Variants in COBL observed in about 807,000 individuals in gnomAD.
COBL encodes the protein protein cordon-bleu.
In COBL, 51 loss-of-function variants were observed where a neutral mutation model predicts 98.8. The observed-to-expected ratio is 0.52, with a 90% CI of 0.41 to 0.65. The LOEUF is 0.65. Ranked by LOEUF, COBL falls within the 30% of genes least tolerant of loss-of-function variation. The probability of loss-of-function intolerance (pLI) is 0.00; values close to 1 mark genes in which losing one functional copy is unlikely to be tolerated. For synonymous variants in COBL, 634 were observed against 651.7 expected, an observed-to-expected ratio of 0.97 and a Z score of 0.41; for missense variants, 1,617 against 1,617.5, an observed-to-expected ratio of 1.00 and a Z score of 0.01.
intron 2 of COBL, 130 bp downstream of exon 2, chr7:51,219,611 A>T: frequency 1.0e-6 from 1 of 963,786 alleles, no homozygotes; most frequent in Non-Finnish European, 1.6e-6. Context: ...AGCCCGATTT[A>T]TATCCATGAG....
chr7:51,207,926 G>A (rs1791931367), intron 2 of COBL, among the ~76,000 whole-genome samples: 2 of 147,902 alleles, frequency 1.4e-5, no homozygotes, highest in South Asian at 4.4e-4. Context: ...CTGCCTGGCT[G>A]CCCAGTCTGG....
intron 7 of COBL, among the ~76,000 whole-genome samples, chr7:51,060,622 G>A (rs1417744287): frequency 6.6e-6 from 1 of 152,162 alleles, no homozygotes; most frequent in Non-Finnish European, 1.5e-5. Flanking sequence ...CTCCCATAGG[G>A]TCCAGGAATC....
At chr7:51,121,443 T>C (rs1190288255) in intron 6 of COBL, among the ~76,000 whole-genome samples, 1 of 152,244 alleles carries the variant, frequency 6.6e-6, no homozygotes, top group Non-Finnish European at 1.5e-5. Flanking sequence ...TGCAAATATC[T>C]TCTCCCATTC....
intron 6 of COBL, among the ~76,000 whole-genome samples, chr7:51,127,009 T>A (rs1265397380): frequency 1.3e-5 from 2 of 152,148 alleles, no homozygotes; most frequent in Non-Finnish European, 2.9e-5. Flanking sequence ...TGCTTATGAC[T>A]GGGGACACCA....
chr7:51,224,568 G>GAA (rs916762747), intron 1 of COBL, among the ~76,000 whole-genome samples: 1 of 145,048 alleles, frequency 6.9e-6, no homozygotes, highest in Non-Finnish European at 1.5e-5. Context: ...AGAGAAAAAG[G>GAA]AAAAAAAAAA....
chr7:51,186,446 C>A (rs1428524876), intron 4 of COBL, among the ~76,000 whole-genome samples: 2 of 152,194 alleles, frequency 1.3e-5, no homozygotes, highest in East Asian at 3.9e-4. Context: ...TTTCCTAGTA[C>A]ACAAGCTGTA....
chr7:51,119,655 T>C (rs538698946), intron 6 of COBL, among the ~76,000 whole-genome samples: 6 of 152,366 alleles, frequency 3.9e-5, no homozygotes, highest in African/African-American at 1.4e-4. Context: ...ATAGTAAGCC[T>C]GTGTGGTCCT....
At chr7:51,019,515 A>C (rs1357611313) in intron 12 of COBL, among the ~76,000 whole-genome samples, 1 of 152,194 alleles carries the variant, frequency 6.6e-6, no homozygotes, top group East Asian at 1.9e-4. Flanking sequence ...AAAGGAACAA[A>C]GGGATGAGTC....
At chr7:51,263,822 A>T (rs1292964864) in intron 1 of COBL, among the ~76,000 whole-genome samples, 1 of 152,194 alleles carries the variant, frequency 6.6e-6, no homozygotes, top group Admixed American at 6.5e-5. Context: ...GGCAACTACT[A>T]AATATTTTGA....
chr7:51,038,803 T>G (rs1373398283), intron 8 of COBL, among the ~76,000 whole-genome samples: 3 of 152,200 alleles, frequency 2.0e-5, no homozygotes, highest in Non-Finnish European at 2.9e-5. Flanking sequence ...ACTCTCAGCC[T>G]AGAGGCCTGG....
chr7:51,227,519 T>C (rs1794321848), intron 1 of COBL, among the ~76,000 whole-genome samples: 1 of 152,196 alleles, frequency 6.6e-6, no homozygotes. Flanking sequence ...TCCAGCCTGC[T>C]TGCCACCAGC....
rs150669838 is a variant in COBL at position 51,219,290 on chromosome 7, T to C, written c.245+451A>G. 3.3e-3 allele frequency among the ~76,000 whole-genome samples: 507 copies of C among 152,280 alleles called. 3 individuals are homozygous for C. The highest frequency in any genetic ancestry group is 0.011 in the African/African-American group (474 of 41,556). ...CCTGAAATATTTTCACTTTAGAAAG[T>C]TGATTGCCAGTTGTACACACACCTC... On this transcript the variant is annotated intron_variant, in intron 2 of 12. Transcript: ENST00000265136.
intron 1 of COBL, among the ~76,000 whole-genome samples, chr7:51,285,412 T>C (rs1296990133): frequency 2.0e-5 from 3 of 147,996 alleles, no homozygotes; most frequent in South Asian, 2.2e-4. Context: ...CCTCACAGAA[T>C]TGATAGAGTT....
chr7:51,208,550 T>G (rs1345045824), intron 2 of COBL, among the ~76,000 whole-genome samples: 1 of 152,198 alleles, frequency 6.6e-6, no homozygotes, highest in Non-Finnish European at 1.5e-5. Flanking sequence ...CACCACCCCA[T>G]CTGGGAGGCG....
intron 6 of COBL, among the ~76,000 whole-genome samples, chr7:51,107,467 T>C (rs1796417036): frequency 6.6e-6 from 1 of 152,228 alleles, no homozygotes; most frequent in Admixed American, 6.5e-5. Context: ...GTAAATATTA[T>C]ACAACTACAT....
intron 1 of COBL, among the ~76,000 whole-genome samples, chr7:51,242,594 C>T (rs1291519170): frequency 6.6e-6 from 1 of 152,132 alleles, no homozygotes; most frequent in African/African-American, 2.4e-5. Context: ...TACGCCAATT[C>T]CTCACCCATA....
Position 51,028,565 on chromosome 7 carries a change from A to C in COBL, c.2531T>G (p.Val844Gly). The C allele has an allele frequency of 6.2e-7, 1 of 1,614,200 alleles. No individual in the cohort carries two copies. The highest frequency in any genetic ancestry group is 8.5e-7 in the Non-Finnish European group (1 of 1,180,036). The change falls in exon 10 of 13, where the codon GTG (valine) becomes GGG (glycine). Residue 844 changes from valine to glycine, a missense_variant. By Grantham distance (109) the Val-to-Gly change is moderately radical. This residue lies in a region of COBL where 1,304 missense variants were observed against 1,282.0 expected (regional missense o/e 1.02). Coordinates refer to ENST00000265136, the MANE Select transcript of COBL (RefSeq NM_015198.5). The part of the protein sequence containing the change: ...NQPPTMGMGH[V>G]RVPAAHTTEV... ...TGTGGTGTGAGCTGCTGGCACCCTCACGTGACCCATGCCCATGGTGGGGGG... is the reference window on the plus strand; with the variant it reads ...TGTGGTGTGAGCTGCTGGCACCCTCCCGTGACCCATGCCCATGGTGGGGGG...
chr7:51,088,714 A>G (rs11768741), intron 6 of COBL, among the ~76,000 whole-genome samples: 25 of 152,190 alleles, frequency 1.6e-4, no homozygotes, highest in Non-Finnish European at 3.4e-4. Context: ...TCACACAGTA[A>G]TGGGATTCCC....
rs1308673642 is a variant in COBL, at chr7:51,190,843, G to A, written c.685+7C>T. On this transcript the variant is annotated splice_region_variant and intron_variant, in intron 4 of 12. Coordinates refer to ENST00000265136, the MANE Select transcript of COBL (RefSeq NM_015198.5). ...GGGCAGGTGCGTGAGACGCAGCGGG[G>A]CCTCACCTCTTCTGTTGTCCCACGC... is the stretch of plus-strand genomic sequence containing the variant. 1.2e-6 allele frequency: 2 copies of A among 1,611,300 alleles called. No individual in the cohort carries two copies. The highest frequency in any genetic ancestry group is 2.2e-5 in the East Asian group (1 of 44,846).
Sources: gnomAD v4.1 joint callset for allele counts (sites outside exome capture counted in the v4.1 genomes callset) on GRCh38, gnomAD v4.1.1 for gene constraint, gnomAD v4.1.1 regional missense constraint, MANE v1.5 for transcripts, NCBI Gene and HGNC (gene_info 2026-07-23, HGNC 2026-07-21) for gene names.